Variants in GREB1L observed in about 807,000 individuals in gnomAD.
GREB1L encodes the protein GREB1 like retinoic acid receptor coactivator.
GREB1L carries 17 observed loss-of-function variants against 200.8 expected under a neutral mutation model. That is an observed-to-expected ratio of 0.08 (90% CI 0.06 to 0.13). GREB1L has a LOEUF of 0.13. Among genes scored for constraint, GREB1L ranks in the 10% least tolerant of loss-of-function variants. The probability of loss-of-function intolerance (pLI) is 1.00; values close to 1 mark genes in which losing one functional copy is unlikely to be tolerated. For missense variants in GREB1L, 1,657 were observed against 2,367.7 expected, an observed-to-expected ratio of 0.70 and a Z score of 6.23; for synonymous variants, 789 against 893.0, an observed-to-expected ratio of 0.88 and a Z score of 2.08.
At chr18:21,385,895 T>C (rs889597633) in intron 4 of GREB1L, among the ~76,000 whole-genome samples, 4 of 152,212 alleles carry the variant, frequency 2.6e-5, no homozygotes, top group African/African-American at 9.6e-5. Flanking sequence ...TCCTGTGCCC[T>C]AGGTATGTTT....
At chr18:21,376,576 G>C (rs1164009972) in intron 2 of GREB1L, among the ~76,000 whole-genome samples, 1 of 151,706 alleles carries the variant, frequency 6.6e-6, no homozygotes, top group African/African-American at 2.4e-5. Context: ...AGGCCAAGGT[G>C]GGCGGATCAC....
chr18:21,522,908 C>T lies in GREB1L; in HGVS notation c.*87C>T. The T allele has an allele frequency of 8.1e-7, 1 of 1,234,720 alleles. No individual in the cohort carries two copies. The highest frequency in any genetic ancestry group is 1.1e-6 in the Non-Finnish European group (1 of 904,620). 76.5% of individuals were successfully genotyped at this position (1,234,720 alleles called of 1,614,324 possible). On this transcript the variant is annotated 3_prime_UTR_variant, in exon 33 of 33. Transcript: ENST00000424526. ...GGATTTTTCTTTTTCCTTTAAAGTA[C>T]AATCACTGTGGAGCAAAGTGCAACA...
intron 2 of GREB1L, among the ~76,000 whole-genome samples, chr18:21,375,541 AT>A (rs542761324): frequency 1.3e-5 from 2 of 151,948 alleles, no homozygotes; most frequent in African/African-American, 4.8e-5. Flanking sequence ...TTCTTTTCTG[AT>A]TTTTTTCTTT....
At chr18:21,483,671 A>G (rs1409951875) in intron 17 of GREB1L, among the ~76,000 whole-genome samples, 1 of 152,064 alleles carries the variant, frequency 6.6e-6, no homozygotes, top group African/African-American at 2.4e-5. Flanking sequence ...TTCTCTTTAG[A>G]TGGTTACTGA....
rs759371210 is a variant in GREB1L, at chr18:21,434,485, G to GTATATATATATATA, written c.833-5034_833-5021dup. 6.8e-3 allele frequency among the ~76,000 whole-genome samples: 727 copies of GTATATATATATATA among 107,544 alleles called. 31 individuals are homozygous for GTATATATATATATA. Among genetic ancestry groups the GTATATATATATATA allele is most frequent in the African/African-American group, 0.029 (658 of 22,574 alleles). 70.6% of individuals were successfully genotyped at this position (107,544 alleles called of 152,430 possible). On this transcript the variant is annotated intron_variant, in intron 7 of 32. Transcript: ENST00000424526. ...AGTGAGAATCCATCTAAAAAAAATA[G>GTATATATATATATA]TATATATATATATATGTGTGTGTGT...
intron 10 of GREB1L, among the ~76,000 whole-genome samples, 200 bp downstream of exon 10, chr18:21,441,737 A>C (rs1372135793): frequency 1.3e-5 from 2 of 152,204 alleles, no homozygotes; most frequent in Non-Finnish European, 2.9e-5. Flanking sequence ...GCCCTCAAGG[A>C]GCACTGTTTA....
At chr18:21,322,324 C>A (rs1418365023) in intron 1 of GREB1L, among the ~76,000 whole-genome samples, 1 of 152,082 alleles carries the variant, frequency 6.6e-6, no homozygotes, top group Admixed American at 6.5e-5. Context: ...GATGACTTTG[C>A]CACCCAGGGG....
chr18:21,401,237 C>T lies in GREB1L; in HGVS notation c.620C>T (p.Thr207Ile). 6.4e-7 allele frequency: 1 copy of T among 1,551,488 alleles called. No homozygotes were observed. ...AACCACATTAACTTGAAGCTCACCA[C>T]TCAGCCAAAGAAGCAGAAGCACTTA... is the stretch of plus-strand genomic sequence containing the variant. ...FSNHINLKLTTQPKKQKHLKY... is the reference protein window; with the variant it reads ...FSNHINLKLTIQPKKQKHLKY... Residue 207 changes from threonine (T) to isoleucine (I), a missense_variant, in exon 6 of 33, where the codon ACT becomes ATT. By Grantham distance (89) the Thr-to-Ile change is moderately conservative (BLOSUM62 -1). Around this residue, in one of 9 missense-constraint regions of GREB1L, gnomAD observed 70 missense variants for 151.3 expected, o/e 0.46. Coordinates refer to ENST00000424526, the MANE Select transcript of GREB1L (RefSeq NM_001142966.3).
In GREB1L at chr18:21,403,895, G is replaced by T. The variant is rs1235280595; in HGVS notation, c.733G>T (p.Ala245Ser). ...WKECRSRQSS[A>S]SCHSIKPSSS... ...AGAATGTAGAAGCCGACAATCCTCT[G>T]CTTCTTGCCACTCTATTAAGCCAAG... The change falls in exon 7 of 33, where the codon GCT (alanine) becomes TCT (serine). Residue 245 changes from alanine to serine, a missense_variant. This residue lies in a region of GREB1L where 289 missense variants were observed against 345.1 expected (regional missense o/e 0.84). Transcript: ENST00000424526. 1 of 1,551,270 alleles carries T rather than the reference G, an allele frequency of 6.4e-7. No homozygotes were observed. Among genetic ancestry groups the T allele is most frequent in the Non-Finnish European group, 8.7e-7 (1 of 1,146,628 alleles).
chr18:21,412,810 A>G (rs1334266589), intron 7 of GREB1L, among the ~76,000 whole-genome samples: 1 of 151,938 alleles, frequency 6.6e-6, no homozygotes, highest in Non-Finnish European at 1.5e-5. Context: ...ATTATGATAC[A>G]TCTCAATGAG....
intron 1 of GREB1L, among the ~76,000 whole-genome samples, chr18:21,332,342 T>C (rs1204359131): frequency 2.6e-5 from 4 of 152,224 alleles, no homozygotes; most frequent in African/African-American, 4.8e-5. Flanking sequence ...AGGTAAGTTA[T>C]GTTATCTCTT....
chr18:21,411,355 C>T (rs926013729), intron 7 of GREB1L, among the ~76,000 whole-genome samples: 1 of 152,004 alleles, frequency 6.6e-6, no homozygotes, highest in Non-Finnish European at 1.5e-5. Flanking sequence ...TGCAGGCTCC[C>T]GCCACCATGG....
At chr18:21,508,826 G>A (rs1396531463) in intron 27 of GREB1L, 10 of 544,388 alleles carry the variant, frequency 1.8e-5, no homozygotes, top group Admixed American at 3.1e-5. Flanking sequence ...TAAGGAAGAA[G>A]TCACTGGTGT....
At chr18:21,376,962 A>G (rs1478491345) in intron 2 of GREB1L, among the ~76,000 whole-genome samples, 1 of 152,210 alleles carries the variant, frequency 6.6e-6, no homozygotes, top group Non-Finnish European at 1.5e-5. Flanking sequence ...GACAAACTAT[A>G]TTAAATATTT....
chr18:21,390,606 G>A (rs1230855157), intron 4 of GREB1L, among the ~76,000 whole-genome samples: 1 of 152,088 alleles, frequency 6.6e-6, no homozygotes, highest in African/African-American at 2.4e-5. Context: ...GCGCAATCTC[G>A]GCTCACTGCA....
At position 21,412,270 on chromosome 18, in the gene GREB1L, A is replaced by T. The variant is rs61294148; in HGVS notation, c.832+8276A>T. Among the ~76,000 whole-genome samples, 3 of 150,974 alleles carry T rather than the reference A, an allele frequency of 2.0e-5. No homozygotes were observed. In the East Asian group the frequency reaches 5.9e-4, roughly 30 times the overall value. On this transcript the variant is annotated intron_variant, in intron 7 of 32. Coordinates refer to ENST00000424526, the MANE Select transcript of GREB1L (RefSeq NM_001142966.3). ...ACAAAAAAAAAATTAAAAATTAGCAACGTGTGTTGACACATGCCTGTAGTC... is the reference window on the plus strand; with the variant it reads ...ACAAAAAAAAAATTAAAAATTAGCATCGTGTGTTGACACATGCCTGTAGTC...
intron 1 of GREB1L, among the ~76,000 whole-genome samples, chr18:21,320,651 A>G (rs1326119870): frequency 1.3e-5 from 2 of 152,064 alleles, no homozygotes; most frequent in African/African-American, 4.8e-5. Flanking sequence ...ATGTAGTCCC[A>G]GCTACTCAAG....
chr18:21,473,585 AAAG>A (rs1172116584), intron 16 of GREB1L, among the ~76,000 whole-genome samples: 9,758 of 98,754 alleles, frequency 0.099, 1,094 homozygotes, highest in African/African-American at 0.34. Context: ...AAAAAAAAAA[AAAG>A]AAAGAAAAGA....
At chr18:21,452,828 G>T (rs2034589390) in intron 14 of GREB1L, among the ~76,000 whole-genome samples, 1 of 152,170 alleles carries the variant, frequency 6.6e-6, no homozygotes, top group South Asian at 2.1e-4. Flanking sequence ...ACAGAAAAAA[G>T]AACAGGAGAA....
Sources: gnomAD v4.1 joint callset for allele counts (sites outside exome capture counted in the v4.1 genomes callset) on GRCh38, gnomAD v4.1.1 for gene constraint, gnomAD v4.1.1 regional missense constraint, MANE v1.5 for transcripts, NCBI Gene and HGNC (gene_info 2026-07-23, HGNC 2026-07-21) for gene names.